MDN1: variants seen among roughly 807,000 people sequenced by gnomAD.
MDN1 encodes the protein midasin.
Under a neutral mutation model 669.2 loss-of-function variants are expected in MDN1, and 266 were observed. That is an observed-to-expected ratio of 0.40 (90% CI 0.36 to 0.44). The LOEUF (loss-of-function observed/expected upper bound fraction) is 0.44, where lower values mean the gene tolerates loss of function less well. Ranked by LOEUF, MDN1 falls within the 20% of genes least tolerant of loss-of-function variation. The pLI, the probability that MDN1 is intolerant of heterozygous loss-of-function variation, is 1.00. For missense variants in MDN1, 5,940 were observed against 6,754.0 expected, an observed-to-expected ratio of 0.88 and a Z score of 4.22; for synonymous variants, 2,385 against 2,457.1, an observed-to-expected ratio of 0.97 and a Z score of 0.87.
At chr6:89,786,565 C>A (rs1198066225) in intron 8 of MDN1, among the ~76,000 whole-genome samples, 1 of 152,078 alleles carries the variant, frequency 6.6e-6, no homozygotes, top group Non-Finnish European at 1.5e-5. Flanking sequence ...TACGATCAAG[C>A]CACTGCATTC....
chr6:89,651,101 AGACCAGG>A (rs1159244545), intron 95 of MDN1, among the ~76,000 whole-genome samples: 3 of 150,872 alleles, frequency 2.0e-5, no homozygotes, highest in African/African-American at 4.9e-5. Context: ...GGATCACTTG[AGACCAGG>A]AGTTCGAGAC....
intron 5 of MDN1, among the ~76,000 whole-genome samples, chr6:89,793,321 T>C (rs1424458117): frequency 1.3e-5 from 2 of 152,194 alleles, no homozygotes; most frequent in Non-Finnish European, 2.9e-5. Flanking sequence ...CTACAGAACT[T>C]CACACAGTTT....
At chr6:89,683,761 G>A (rs1271936742) in intron 72 of MDN1, 70 bp downstream of exon 72, 2 of 1,121,560 alleles carry the variant, frequency 1.8e-6, no homozygotes, top group Non-Finnish European at 2.7e-6. Context: ...TGGTAACTAT[G>A]TCGTTTTGCT....
chr6:89,657,789 G>A (rs1809428546), intron 90 of MDN1, among the ~76,000 whole-genome samples: 1 of 152,186 alleles, frequency 6.6e-6, no homozygotes, highest in Non-Finnish European at 1.5e-5. Flanking sequence ...CATGTGCACT[G>A]GTGGTCCTGT....
intron 97 of MDN1, 143 bp from the exon 98 acceptor site, chr6:89,648,472 G>T (rs558996304): frequency 2.8e-6 from 2 of 716,006 alleles, no homozygotes; most frequent in African/African-American, 3.6e-5. Flanking sequence ...GGCTACTATA[G>T]TCACAACAAA....
intron 78 of MDN1, 128 bp from the exon 79 acceptor site, chr6:89,674,717 C>T (rs1012095486): frequency 3.1e-6 from 4 of 1,285,960 alleles, no homozygotes; most frequent in Non-Finnish European, 4.2e-6. Context: ...AAGGAAGAAT[C>T]CCCCAGATAG....
intron 79 of MDN1, 84 bp downstream of exon 79, chr6:89,674,020 A>C: frequency 6.7e-7 from 1 of 1,489,938 alleles, no homozygotes; most frequent in Non-Finnish European, 9.0e-7. Flanking sequence ...TTCTGTTCAC[A>C]CCCTTCCCTT....
At chr6:89,709,427 C>T (rs968264823) in intron 50 of MDN1, among the ~76,000 whole-genome samples, 1 of 152,112 alleles carries the variant, frequency 6.6e-6, no homozygotes, top group Admixed American at 6.5e-5. Flanking sequence ...TAATGTGTTC[C>T]AACAGAGGAC....
intron 11 of MDN1, among the ~76,000 whole-genome samples, chr6:89,777,541 T>G (rs369336397): frequency 5.9e-5 from 9 of 152,230 alleles, no homozygotes; most frequent in African/African-American, 2.2e-4. Flanking sequence ...ACCACAAGAT[T>G]AGGATTATGG....
At chr6:89,688,199 T>C (rs1430608821) in intron 66 of MDN1, 26 bp from the exon 67 acceptor site, 2 of 1,579,648 alleles carry the variant, frequency 1.3e-6, no homozygotes, top group Non-Finnish European at 1.7e-6. Flanking sequence ...TTTGGGTATC[T>C]CAGTAGGAAT....
Position 89,768,578 on chromosome 6 carries a change from T to C in MDN1, c.2144+2983A>G, listed in dbSNP as rs184828536. On this transcript the variant is annotated intron_variant, in intron 15 of 101. Coordinates refer to ENST00000369393, the MANE Select transcript of MDN1 (RefSeq NM_014611.3). ...GAGTGTGACCTCATCTCTACAAAAA[T>C]AGAAAATAATTAGCTAAGCGTGGTG... Among the ~76,000 whole-genome samples the C allele has an allele frequency of 1.3e-3, 190 of 151,094 alleles. 2 individuals are homozygous for C. The highest frequency in any genetic ancestry group is 4.5e-3 in the African/African-American group (184 of 41,112).
rs140169194 is a variant in MDN1 at position 89,755,194 on chromosome 6, T to A, written c.2817-964A>T. On this transcript the variant is annotated intron_variant, in intron 20 of 101. Coordinates refer to ENST00000369393, the MANE Select transcript of MDN1 (RefSeq NM_014611.3). ...AAGTATTCCAATTTAGGGTGTGTTG[T>A]GGTAAACCATTCTGAAGCATTCTAA... Among the ~76,000 whole-genome samples the A allele has an allele frequency of 1.8e-4, 27 of 152,252 alleles. 1 individual carries two copies. The East Asian group carries it at 3.7e-3, about 21-fold the overall frequency.
At chr6:89,814,250 G>A (rs1768655275) in intron 1 of MDN1, among the ~76,000 whole-genome samples, 1 of 151,988 alleles carries the variant, frequency 6.6e-6, no homozygotes, top group Admixed American at 6.6e-5. Context: ...CAGAATTCTG[G>A]CACAGCTAAC....
rs1241985493 is a variant in MDN1 at position 89,685,959 on chromosome 6, T to G, written c.11587A>C (p.Thr3863Pro). Residue 3863 changes from threonine (T) to proline (P), a missense_variant, in exon 70 of 102, where the codon ACC becomes CCC. Around this residue, in one of 5 missense-constraint regions of MDN1, gnomAD observed 2,280 missense variants for 2,576.3 expected, o/e 0.88. Coordinates refer to ENST00000369393, the MANE Select transcript of MDN1 (RefSeq NM_014611.3). ...AATGTGCTGACCAGCAACATCAAGG[T>G]CATCTGTTTGTCATCTTTAAAAATT... Reference protein sequence around the residue: ...TEEQEDDKQMTLMLLVSTLQA... With the variant: ...TEEQEDDKQMPLMLLVSTLQA... 2 of 1,610,772 alleles carry G rather than the reference T, an allele frequency of 1.2e-6. No individual in the cohort carries two copies. Among genetic ancestry groups the G allele is most frequent in the Non-Finnish European group, 1.7e-6 (2 of 1,179,288 alleles).
intron 96 of MDN1, among the ~76,000 whole-genome samples, 183 bp downstream of exon 96, chr6:89,650,548 CA>C (rs909483913): frequency 6.6e-6 from 1 of 152,200 alleles, no homozygotes; most frequent in Admixed American, 6.5e-5. Flanking sequence ...TACAGACACC[CA>C]GAAACTTTTG....
chr6:89,752,996 G>A (rs1204177817), intron 22 of MDN1, among the ~76,000 whole-genome samples: 2 of 151,878 alleles, frequency 1.3e-5, no homozygotes, highest in Admixed American at 1.3e-4. Flanking sequence ...GGTGGCATGC[G>A]CTTGTAATCC....
intron 62 of MDN1, 62 bp downstream of exon 62, chr6:89,694,012 C>T (rs2128308461): frequency 2.3e-6 from 3 of 1,332,162 alleles, no homozygotes; most frequent in East Asian, 4.6e-5. Context: ...CACACCATAA[C>T]TACATTACAT....
rs766961064 is a variant in MDN1 at position 89,776,693 on chromosome 6, A to G, written c.1728T>C (p.Ala576=). The G allele has an allele frequency of 2.5e-5, 40 of 1,583,260 alleles. No homozygotes were observed. The highest frequency in any genetic ancestry group is 3.3e-5 in the Non-Finnish European group (39 of 1,165,252). The part of the protein sequence containing the change: ...LSASLNIFQE[A]LDCFTAMLSE... ...AAAGCATTGCTGTGAAACAGTCTAG[A>G]GCCTATTAAAATAACCAAGGTAAAT... is the stretch of plus-strand genomic sequence containing the variant. Residue 576 remains alanine (A), a splice_region_variant and synonymous_variant, in exon 12 of 102, where the codon GCT becomes GCC. Coordinates refer to ENST00000369393, the MANE Select transcript of MDN1 (RefSeq NM_014611.3).
chr6:89,753,091 C>T (rs1011347279), intron 22 of MDN1, among the ~76,000 whole-genome samples: 1 of 152,000 alleles, frequency 6.6e-6, no homozygotes, highest in African/African-American at 2.4e-5. Flanking sequence ...CTACTGCATT[C>T]CAGCCTGGGC....
Sources: allele counts gnomAD v4.1 joint callset (sites outside exome capture counted in the v4.1 genomes callset), GRCh38; gene constraint gnomAD v4.1.1; regional missense constraint gnomAD v4.1.1; transcripts MANE v1.5; gene names NCBI Gene and HGNC (gene_info 2026-07-23, HGNC 2026-07-21).